PRKG2: variants seen among roughly 807,000 people sequenced by gnomAD.
The protein encoded by PRKG2 is cGMP-dependent protein kinase 2.
Under a neutral mutation model 97.2 loss-of-function variants are expected in PRKG2, and 33 were observed. That is an observed-to-expected ratio of 0.34 (90% CI 0.26 to 0.45). The LOEUF (loss-of-function observed/expected upper bound fraction) is 0.45, where lower values mean the gene tolerates loss of function less well. Among genes scored for constraint, PRKG2 ranks in the 20% least tolerant of loss-of-function variants. The pLI is 1.00. For missense variants in PRKG2, 638 were observed against 900.0 expected, an observed-to-expected ratio of 0.71 and a Z score of 3.73; for synonymous variants, 330 against 321.8, an observed-to-expected ratio of 1.03 and a Z score of -0.27.
chr4:81,159,212 C>T (rs1200328016), intron 6 of PRKG2, among the ~76,000 whole-genome samples: 1 of 152,120 alleles, frequency 6.6e-6, no homozygotes, highest in East Asian at 1.9e-4. Context: ...ACCTACTCAT[C>T]TGACACAGGG....
In PRKG2 at chr4:81,089,338, A is replaced by G. The variant is rs1453436372; in HGVS notation, c.*370T>C. ...TCTATTTGTATGACTTAGTTATTCA[A>G]GGGCAAGACCCTTTTTAAACGTTAG... On this transcript the variant is annotated 3_prime_UTR_variant, in exon 19 of 19. Transcript: ENST00000264399. The G allele has an allele frequency of 6.3e-6, 1 of 159,012 alleles. No homozygotes were observed. Among genetic ancestry groups the G allele is most frequent in the Non-Finnish European group, 1.4e-5 (1 of 72,770 alleles). The allele number at this position is 159,012 out of a possible 1,614,324, so 9.9% of individuals were successfully genotyped here. A position where few individuals can be genotyped will look rare whatever the true frequency, so the allele number is the denominator to read the frequency against.
chr4:81,092,369 T>C lies in PRKG2; in HGVS notation c.2193+17A>G, dbSNP rs1197717900. The C allele has an allele frequency of 1.3e-6, 2 of 1,486,386 alleles. No individual in the cohort carries two copies. Among genetic ancestry groups the C allele is most frequent in the South Asian group, 1.3e-5 (1 of 77,198 alleles). 92.1% of individuals were successfully genotyped at this position (1,486,386 alleles called of 1,614,324 possible). Reference sequence around the variant, plus strand: ...CCCTGGGAAAAAAATAAAAAAGTAATATAATAAATACAATACCTCTCTTTG... The same window carrying C: ...CCCTGGGAAAAAAATAAAAAAGTAACATAATAAATACAATACCTCTCTTTG... On this transcript the variant is annotated intron_variant, in intron 18 of 18. Transcript: ENST00000264399.
At chr4:81,092,286 C>A in intron 18 of PRKG2, 100 bp downstream of exon 18, 3 of 652,132 alleles carry the variant, frequency 4.6e-6, no homozygotes, top group South Asian at 3.5e-5. Flanking sequence ...AAAAAACACC[C>A]AAAATCTGTT....
At position 81,204,913 on chromosome 4, in the gene PRKG2, C is replaced by T. The variant is rs199658246; in HGVS notation, c.135G>A (p.Gln45=). 2.8e-5 allele frequency: 45 copies of T among 1,614,228 alleles called. No individual in the cohort carries two copies. In the South Asian group the frequency reaches 4.5e-4, roughly 16 times the overall value. Residue 45 remains glutamine, a synonymous_variant, in exon 2 of 19, where the codon CAG becomes CAA. Coordinates refer to ENST00000264399, the MANE Select transcript of PRKG2 (RefSeq NM_006259.3). The part of the protein sequence containing the change: ...RELRRKDAEI[Q]EREYHLKELR... ...GCTCCTTCAAATGGTACTCCCGCTC[C>T]TGGATCTCAGCATCCTTCCTCCTCA...
intron 9 of PRKG2, 98 bp downstream of exon 9, chr4:81,148,786 G>A (rs1748103644): frequency 3.9e-6 from 4 of 1,026,262 alleles, no homozygotes; most frequent in South Asian, 1.3e-5. Context: ...GTATTTCCAA[G>A]TGGTGATGAA....
chr4:81,156,348 G>C (rs1198377874), intron 6 of PRKG2, among the ~76,000 whole-genome samples: 1 of 152,256 alleles, frequency 6.6e-6, no homozygotes, highest in Non-Finnish European at 1.5e-5. Flanking sequence ...ATTATTTAAT[G>C]GTAAAGGGAT....
intron 2 of PRKG2, among the ~76,000 whole-genome samples, chr4:81,185,189 G>A (rs951846873): frequency 2.0e-5 from 3 of 152,024 alleles, no homozygotes; most frequent in African/African-American, 7.3e-5. Flanking sequence ...GATTCACCAA[G>A]GTTGAAATGG....
chr4:81,191,878 G>A (rs1455119120), intron 2 of PRKG2, among the ~76,000 whole-genome samples: 1 of 152,134 alleles, frequency 6.6e-6, no homozygotes, highest in South Asian at 2.1e-4. Context: ...CATATGTGTT[G>A]GTGGGAGTAT....
chr4:81,171,150 T>C (rs1231741743), intron 4 of PRKG2, among the ~76,000 whole-genome samples: 2 of 152,076 alleles, frequency 1.3e-5, no homozygotes, highest in Admixed American at 1.3e-4. Flanking sequence ...CTATTTATCC[T>C]GATGCTCTCC....
chr4:81,217,020 G>T (rs79931580), upstream of PRKG2, among the ~76,000 whole-genome samples: 1 of 100,054 alleles, frequency 1.0e-5, no homozygotes, highest in East Asian at 2.7e-4. Flanking sequence ...TAGTGTGTGT[G>T]TATATATTTT....
chr4:81,117,881 T>C lies in PRKG2; in HGVS notation c.1777-7270A>G, dbSNP rs191720396. Among the ~76,000 whole-genome samples the C allele has an allele frequency of 2.1e-3, 313 of 152,306 alleles. 2 individuals carry two copies. The highest frequency in any genetic ancestry group is 7.3e-3 in the African/African-American group (303 of 41,556). On this transcript the variant is annotated intron_variant, in intron 14 of 18. Transcript: ENST00000264399. ...CACCTGTTACATAAAGATTCACTCT[T>C]AGTGATGCATATTTTATGGATTTGG...
chr4:81,096,991 A>T (rs1029595347), intron 17 of PRKG2, among the ~76,000 whole-genome samples: 1 of 152,132 alleles, frequency 6.6e-6, no homozygotes, highest in Admixed American at 6.5e-5. Context: ...TTTTCAACTC[A>T]CTTTGCCCAG....
chr4:81,110,211 C>T (rs181989993), intron 15 of PRKG2, among the ~76,000 whole-genome samples: 6 of 152,290 alleles, frequency 3.9e-5, no homozygotes, highest in Admixed American at 2.0e-4. Context: ...GGTCTTGCCA[C>T]GTTAGGTAAA....
intron 16 of PRKG2, among the ~76,000 whole-genome samples, chr4:81,105,119 C>A (rs1245083682): frequency 2.6e-5 from 4 of 152,058 alleles, no homozygotes; most frequent in African/African-American, 9.7e-5. Flanking sequence ...TTATGTGGCA[C>A]ATGAGAAAAT....
intron 14 of PRKG2, among the ~76,000 whole-genome samples, chr4:81,124,450 G>C (rs762599058): frequency 2.1e-4 from 32 of 152,198 alleles, no homozygotes; most frequent in Non-Finnish European, 4.3e-4. Flanking sequence ...GCCCTGTGTA[G>C]CCAACAGAAT....
chr4:81,151,808 C>A, intron 8 of PRKG2, 152 bp downstream of exon 8: 1 of 616,370 alleles, frequency 1.6e-6, no homozygotes, highest in Non-Finnish European at 2.8e-6. Flanking sequence ...TCATTTCCCG[C>A]ATAAAAATTT....
At chr4:81,165,938 T>C (rs913122109) in intron 6 of PRKG2, among the ~76,000 whole-genome samples, 2 of 151,820 alleles carry the variant, frequency 1.3e-5, no homozygotes, top group Non-Finnish European at 2.9e-5. Flanking sequence ...CAAAAAAAAC[T>C]AGGGCCTCTC....
At chr4:81,167,680 A>T (rs541550807) in intron 5 of PRKG2, among the ~76,000 whole-genome samples, 1 of 152,104 alleles carries the variant, frequency 6.6e-6, no homozygotes, top group South Asian at 2.1e-4. Flanking sequence ...GTTGGGAGGG[A>T]ACATGGGAAT....
intron 17 of PRKG2, 118 bp downstream of exon 17, chr4:81,104,252 A>G (rs1026094317): frequency 7.3e-6 from 4 of 544,726 alleles, no homozygotes; most frequent in Middle Eastern, 6.3e-4. Context: ...AAAGCACTAT[A>G]AAGAAAAATT....
Sources: gnomAD v4.1 joint callset for allele counts (sites outside exome capture counted in the v4.1 genomes callset) on GRCh38, gnomAD v4.1.1 for gene constraint, MANE v1.5 for transcripts, NCBI Gene and HGNC (gene_info 2026-07-23, HGNC 2026-07-21) for gene names.